The following AVEN variants were observed in gnomAD, a reference collection of about 807,000 sequenced individuals.
AVEN encodes cell death regulator Aven.
Under a neutral mutation model 38.1 loss-of-function variants are expected in AVEN, and 41 were observed. The ratio of observed to expected loss-of-function variants is 1.08; its 90% CI spans 0.84 to 1.40. AVEN has a LOEUF of 1.40. Ranked by LOEUF, AVEN falls within the 40% of genes most tolerant of loss-of-function variation. The probability of loss-of-function intolerance (pLI) is 0.00; values close to 1 mark genes in which losing one functional copy is unlikely to be tolerated. For missense variants in AVEN, 605 were observed against 438.8 expected (o/e 1.38, Z -3.38); for synonymous variants, 206 against 171.8 (o/e 1.20, Z -1.56).
chr15:33,854,873 G>A, downstream of AVEN: 1 of 1,613,388 alleles, frequency 6.2e-7, no homozygotes, highest in East Asian at 2.2e-5. Flanking sequence ...TCAAGACACT[G>A]AGGACCATTC....
the AVEN span, chr15:33,852,906 A>G: frequency 9.7e-6 from 7 of 720,000 alleles, no homozygotes; most frequent in East Asian, 1.4e-4. Flanking sequence ...CTGAACTTCA[A>G]TCAGATCTTA....
intron 1 of AVEN, 130 bp downstream of exon 1, chr15:34,038,650 G>A (rs1597379199): frequency 3.5e-6 from 3 of 856,386 alleles, no homozygotes; most frequent in East Asian, 1.2e-4. Flanking sequence ...CGCCCGTCCC[G>A]CGCAGGCGCC....
the AVEN span, chr15:33,853,781 G>T: frequency 6.8e-7 from 1 of 1,474,684 alleles, no homozygotes. Flanking sequence ...GTTCTCTCAG[G>T]CTGTGGTCTG....
In AVEN at chr15:33,950,836, C is replaced by A. The variant is rs552700065; in HGVS notation, c.445+52196G>T. Among the ~76,000 whole-genome samples the A allele has an allele frequency of 4.6e-5, 7 of 152,104 alleles. No homozygotes were observed. The East Asian group carries it at 1.4e-3, about 29-fold the overall frequency. ...GCCTGGGCAACATAATGAGACCCTG[C>A]CTCTACAGAAAATAATAATAATTAG... On this transcript the variant is annotated intron_variant, in intron 2 of 5. Transcript: ENST00000306730.
At chr15:34,009,246 A>G (rs142664887) in intron 1 of AVEN, among the ~76,000 whole-genome samples, 40 of 152,376 alleles carry the variant, frequency 2.6e-4, no homozygotes, top group African/African-American at 9.4e-4. Flanking sequence ...GGCCCACCTT[A>G]CAAGATACAC....
chr15:34,032,497 T>C (rs1349868438), intron 1 of AVEN, among the ~76,000 whole-genome samples: 2 of 152,186 alleles, frequency 1.3e-5, no homozygotes, highest in South Asian at 2.1e-4. Context: ...CTGGAAACCA[T>C]ATTCTGCAAA....
chr15:34,017,758 G>T (rs1898004870), intron 1 of AVEN, among the ~76,000 whole-genome samples: 2 of 152,126 alleles, frequency 1.3e-5, no homozygotes, highest in Admixed American at 1.3e-4. Context: ...GGGATTACAG[G>T]ATTGAGCCAC....
intron 11 of AVEN, among the ~76,000 whole-genome samples, chr15:33,860,882 A>C (rs1011537633): frequency 1.3e-4 from 20 of 151,678 alleles, no homozygotes; most frequent in Admixed American, 1.3e-3. Context: ...ATCCTCAGCT[A>C]ATCAGGAGCT....
At position 33,961,669 on chromosome 15, in the gene AVEN, C is replaced by T. The variant is rs539965806; in HGVS notation, c.445+41363G>A. Among the ~76,000 whole-genome samples the T allele has an allele frequency of 1.2e-3, 181 of 151,474 alleles. 1 individual carries two copies. Among genetic ancestry groups the T allele is most frequent in the South Asian group, 7.5e-3 (36 of 4,780 alleles). ...TCTACTAAAAACACAAAAAATTAGC[C>T]GGGCGTGGTGGCGGGCACCTGTAGT... On this transcript the variant is annotated intron_variant, in intron 2 of 5. Transcript: ENST00000306730.
chr15:33,938,064 G>C (rs1309511327), intron 2 of AVEN, among the ~76,000 whole-genome samples: 1 of 151,444 alleles, frequency 6.6e-6, no homozygotes, highest in East Asian at 1.9e-4. Context: ...TTAAAATAAA[G>C]GAATCATAAT....
intron 1 of AVEN, among the ~76,000 whole-genome samples, chr15:34,012,402 TG>T (rs1197613907): frequency 6.6e-6 from 1 of 152,206 alleles, no homozygotes; most frequent in African/African-American, 2.4e-5. Flanking sequence ...TGAGCATTTC[TG>T]GGTGATCTTG....
At chr15:33,891,648 G>A (rs1446738330) in intron 2 of AVEN, among the ~76,000 whole-genome samples, 1 of 152,164 alleles carries the variant, frequency 6.6e-6, no homozygotes, top group Non-Finnish European at 1.5e-5. Flanking sequence ...ATTTGGGTTG[G>A]TTCCAAGTCT....
At chr15:33,935,500 A>G (rs28571186) in intron 2 of AVEN, among the ~76,000 whole-genome samples, 1 of 130,794 alleles carries the variant, frequency 7.6e-6, no homozygotes, top group Non-Finnish European at 1.7e-5. Context: ...ATATATATGT[A>G]TATATGTGTG....
At chr15:33,961,975 C>T (rs1218446503) in intron 2 of AVEN, among the ~76,000 whole-genome samples, 1 of 151,806 alleles carries the variant, frequency 6.6e-6, no homozygotes, top group Non-Finnish European at 1.5e-5. Context: ...TATTTTCAAC[C>T]AGGTTTGGGG....
rs191001189 is a variant in AVEN at position 34,031,514 on chromosome 15, T to C, written c.267+7266A>G. Among the ~76,000 whole-genome samples, 643 of 152,322 alleles carry C rather than the reference T, an allele frequency of 4.2e-3. 3 individuals are homozygous for C. The highest frequency in any genetic ancestry group is 7.3e-3 in the Non-Finnish European group (498 of 68,024). Reference sequence around the variant, plus strand: ...TTAAAATGTTTGCTATCCCTCAATGTAAGTTTGACTTGGTACTAAAGAAAT... The same window carrying C: ...TTAAAATGTTTGCTATCCCTCAATGCAAGTTTGACTTGGTACTAAAGAAAT... On this transcript the variant is annotated intron_variant, in intron 1 of 5. Transcript: ENST00000306730.
At chr15:34,016,138 T>C (rs1225700470) in intron 1 of AVEN, among the ~76,000 whole-genome samples, 1 of 152,164 alleles carries the variant, frequency 6.6e-6, no homozygotes, top group Non-Finnish European at 1.5e-5. Context: ...TAGCTGGGCA[T>C]GGTGGTGCAC....
At chr15:34,064,568 G>A in intron 4 of AVEN, 1 of 533,102 alleles carries the variant, frequency 1.9e-6, no homozygotes, top group South Asian at 2.4e-5. Context: ...GAAGTAAAGG[G>A]ATAGGCTCAT....
At chr15:33,866,946 C>CAAAG (rs1890592290) in intron 5 of AVEN, among the ~76,000 whole-genome samples, 1 of 150,242 alleles carries the variant, frequency 6.7e-6, no homozygotes, top group East Asian at 1.9e-4. Context: ...GTTTTTTTTT[C>CAAAG]AAAGACCAAC....
chr15:33,854,267 TA>T, downstream of AVEN: 1 of 728,080 alleles, frequency 1.4e-6, no homozygotes. Flanking sequence ...TACAACTTGA[TA>T]AAGCTGAGAG....
Sources: gnomAD v4.1 joint callset for allele counts (sites outside exome capture counted in the v4.1 genomes callset) on GRCh38, gnomAD v4.1.1 for gene constraint, MANE v1.5 for transcripts, NCBI Gene and HGNC (gene_info 2026-07-23, HGNC 2026-07-21) for gene names.